The following BLK variants were observed in gnomAD, a reference collection of about 807,000 sequenced individuals.
BLK encodes the protein BLK proto-oncogene, Src family tyrosine kinase, also known as tyrosine-protein kinase Blk.
Under a neutral mutation model 61.8 loss-of-function variants are expected in BLK, and 64 were observed. That is an observed-to-expected ratio of 1.03 (90% CI 0.85 to 1.27). BLK has a LOEUF of 1.27. BLK is among the 50% of genes most tolerant of loss of function. The probability of loss-of-function intolerance (pLI) is 0.00; values close to 1 mark genes in which losing one functional copy is unlikely to be tolerated. For synonymous variants in BLK, 351 were observed against 272.0 expected, an observed-to-expected ratio of 1.29 and a Z score of -2.86; for missense variants, 853 against 660.5, an observed-to-expected ratio of 1.29 and a Z score of -3.19.
At chr8:11,559,115 C>T (rs1049983067) in intron 10 of BLK, 15 of 408,830 alleles carry the variant, frequency 3.7e-5, no homozygotes, top group African/African-American at 2.7e-4. Flanking sequence ...ATCCCCACTA[C>T]ACCCCCTTGG....
At chr8:11,540,671 T>C (rs1800332442) in intron 1 of BLK, among the ~76,000 whole-genome samples, 1 of 152,050 alleles carries the variant, frequency 6.6e-6, no homozygotes, top group Non-Finnish European at 1.5e-5. Context: ...ATAAACCATA[T>C]AAATCATCAA....
chr8:11,539,978 C>T (rs891923619), intron 1 of BLK, among the ~76,000 whole-genome samples: 2 of 152,134 alleles, frequency 1.3e-5, no homozygotes, highest in African/African-American at 4.8e-5. Context: ...CAATCTCTTA[C>T]CCAATCTATT....
In BLK at chr8:11,554,985, T is replaced by TA. The variant is rs917711887; in HGVS notation, c.619+96_619+97insA. ...ATTGTGTGAGTCATTGGTGCCACCT[T>TA]GGGGGATGGAAAGATTATCCCAAAG... is the stretch of plus-strand genomic sequence containing the variant. On this transcript the variant is annotated intron_variant, in intron 7 of 12. Coordinates refer to ENST00000259089, the MANE Select transcript of BLK (RefSeq NM_001715.3). 2.0e-6 allele frequency: 3 copies of TA among 1,521,480 alleles called. No homozygotes were observed. In the African/African-American group the frequency reaches 4.1e-5, roughly 21 times the overall value. 94.2% of individuals were successfully genotyped at this position (1,521,480 alleles called of 1,614,324 possible). A position where few individuals can be genotyped will look rare whatever the true frequency, so the allele number is the denominator to read the frequency against.
In BLK at chr8:11,529,449, G is replaced by C. The variant is rs376405002; in HGVS notation, c.-1-13775G>C. 5.3e-5 allele frequency among the ~76,000 whole-genome samples: 8 copies of C among 152,216 alleles called. No individual in the cohort carries two copies. In the South Asian group the frequency reaches 1.7e-3, roughly 32 times the overall value. ...AGTCAATTCCTGGGTGGGAGCCACA[G>C]ATCAGATGAGCTGGTTTCTTGATCT... On this transcript the variant is annotated intron_variant, in intron 1 of 12. Transcript: ENST00000259089.
intron 1 of BLK, among the ~76,000 whole-genome samples, chr8:11,497,269 G>A (rs1376571825): frequency 1.3e-5 from 2 of 152,110 alleles, no homozygotes; most frequent in Middle Eastern, 3.2e-3. Context: ...TGCCTTTCCT[G>A]TCACATCTGC....
At chr8:11,548,890 C>A in intron 4 of BLK, 134 bp from the exon 5 acceptor site, 2 of 830,662 alleles carry the variant, frequency 2.4e-6, no homozygotes, top group Non-Finnish European at 4.1e-6. Flanking sequence ...AAGCCCCTTC[C>A]TGCCTGCCGT....
At chr8:11,501,458 C>T (rs780352288) in intron 1 of BLK, among the ~76,000 whole-genome samples, 6 of 151,708 alleles carry the variant, frequency 4.0e-5, no homozygotes, top group Non-Finnish European at 7.4e-5. Flanking sequence ...TGCCAGCACA[C>T]TGGGGGAAGT....
intron 10 of BLK, chr8:11,560,691 C>G (rs951275385): frequency 2.7e-6 from 1 of 365,380 alleles, no homozygotes; most frequent in African/African-American, 2.1e-5. Context: ...CCACCTGGAT[C>G]TGCCAGTGCT....
chr8:11,549,025 A>G lies in BLK; in HGVS notation c.271A>G (p.Thr91Ala). ...CTCTGTTTCCCCTGCTCCCATTAGA[A>G]CTGGAGACTGGTGGCTGGCCAGGTC... Reference protein sequence around the residue: ...KGEKLQVLKGTGDWWLARSLV... With the variant: ...KGEKLQVLKGAGDWWLARSLV... The change falls in exon 5 of 13, where the codon ACT (threonine) becomes GCT (alanine). Residue 91 changes from threonine to alanine, a missense_variant and splice_region_variant. Physicochemically the swap from Thr to Ala is moderately conservative, Grantham distance 58. Coordinates refer to ENST00000259089, the MANE Select transcript of BLK (RefSeq NM_001715.3). The G allele has an allele frequency of 6.2e-7, 1 of 1,607,290 alleles. No individual in the cohort carries two copies. Among genetic ancestry groups the G allele is most frequent in the African/African-American group, 1.3e-5 (1 of 74,952 alleles).
At chr8:11,519,901 C>T (rs1047707732) in intron 1 of BLK, among the ~76,000 whole-genome samples, 1 of 152,162 alleles carries the variant, frequency 6.6e-6, no homozygotes, top group Non-Finnish European at 1.5e-5. Flanking sequence ...AGAAGAAATA[C>T]ACCAAAATAT....
intron 1 of BLK, among the ~76,000 whole-genome samples, chr8:11,506,947 T>G (rs555005750): frequency 6.6e-6 from 1 of 152,350 alleles, no homozygotes; most frequent in African/African-American, 2.4e-5. Flanking sequence ...AAAGTTCTTT[T>G]GTCTCTCTTT....
rs751424817 is a variant in BLK, at chr8:11,554,808, C to T, written c.538C>T (p.Arg180Cys). The T allele has an allele frequency of 2.7e-5, 44 of 1,613,942 alleles. No individual in the cohort carries two copies. Among genetic ancestry groups the T allele is most frequent in the Middle Eastern group, 1.6e-4 (1 of 6,078 alleles). The change falls in exon 7 of 13, where the codon CGC (arginine) becomes TGC (cysteine). Residue 180 changes from arginine (R) to cysteine (C), a missense_variant. Transcript: ENST00000259089. ...QGELIKHYKI[R>C]CLDEGGYYIS... ...GGAGCTGATCAAGCACTATAAGATC[C>T]GCTGCCTGGATGAAGGGGGCTACTA...
In BLK at chr8:11,546,257, G is replaced by C. The variant is rs187911091; in HGVS notation, c.175+154G>C. Among the ~76,000 whole-genome samples the C allele has an allele frequency of 2.7e-3, 406 of 152,272 alleles. No individual in the cohort carries two copies. Among genetic ancestry groups the C allele is most frequent in the African/African-American group, 9.2e-3 (384 of 41,548 alleles). On this transcript the variant is annotated intron_variant, in intron 3 of 12. Coordinates refer to ENST00000259089, the MANE Select transcript of BLK (RefSeq NM_001715.3). ...AGAGGCCCCGGCTCTGTGCCTCTTG[G>C]GGCGTCTCTTCAGGAACCAAGAACA...
At chr8:11,555,042 C>CGGGAATT (rs1260569400) in intron 7 of BLK, among the ~76,000 whole-genome samples, 153 bp downstream of exon 7, 2 of 152,154 alleles carry the variant, frequency 1.3e-5, no homozygotes, top group African/African-American at 4.8e-5. Context: ...CTCTGAGCAC[C>CGGGAATT]GGGAATTGGT....
chr8:11,543,132 C>T, intron 1 of BLK, 92 bp from the exon 2 acceptor site: 1 of 1,599,176 alleles, frequency 6.3e-7, no homozygotes. Flanking sequence ...CCTTTCTAAC[C>T]AGCCTCCCGG....
rs576980286 is a variant in BLK at position 11,544,725 on chromosome 8, G to A, written c.124-1327G>A. On this transcript the variant is annotated intron_variant, in intron 2 of 12. Transcript: ENST00000259089. The stretch of plus-strand genomic sequence containing the variant: ...AGAGTTGCCTCGAGACCCTTCTTCC[G>A]TGTGTTCATTTCATGTGTTCCTATT... Among the ~76,000 whole-genome samples, 328 of 152,144 alleles carry A rather than the reference G, an allele frequency of 2.2e-3. 2 individuals are homozygous for A. The highest frequency in any genetic ancestry group is 3.5e-3 in the Non-Finnish European group (235 of 68,008).
chr8:11,533,374 T>C (rs1408603981), intron 1 of BLK, among the ~76,000 whole-genome samples: 1 of 152,158 alleles, frequency 6.6e-6, no homozygotes, highest in Non-Finnish European at 1.5e-5. Flanking sequence ...TTCTTACACA[T>C]TCCACCTCTG....
At chr8:11,561,559 G>C in intron 11 of BLK, 107 bp downstream of exon 11, 2 of 1,400,528 alleles carry the variant, frequency 1.4e-6, no homozygotes, top group Non-Finnish European at 2.0e-6. Flanking sequence ...AGACACCTGA[G>C]GGCTATACGG....
intron 1 of BLK, among the ~76,000 whole-genome samples, chr8:11,511,308 G>A (rs775999369): frequency 6.6e-6 from 1 of 152,106 alleles, no homozygotes; most frequent in Admixed American, 6.5e-5. Flanking sequence ...TGGGGAGAGC[G>A]GGGAGGGATA....
Sources: gnomAD v4.1 joint callset for allele counts (sites outside exome capture counted in the v4.1 genomes callset) on GRCh38, gnomAD v4.1.1 for gene constraint, MANE v1.5 for transcripts, NCBI Gene and HGNC (gene_info 2026-07-23, HGNC 2026-07-21) for gene names.